Variants in GALNTL6 observed in about 807,000 individuals in gnomAD.
GALNTL6 encodes polypeptide N-acetylgalactosaminyltransferase-like 6.
GALNTL6 carries 46 observed loss-of-function variants against 73.7 expected under a neutral mutation model. The ratio of observed to expected loss-of-function variants is 0.62; its 90% CI spans 0.49 to 0.80. The LOEUF is 0.80. GALNTL6 is among the 30% of genes least tolerant of loss of function. GALNTL6 has a pLI of 0.00. For synonymous variants in GALNTL6, 259 were observed against 263.7 expected (o/e 0.98, Z 0.17); for missense variants, 604 against 755.0 (o/e 0.80, Z 2.34).
chr4:172,784,577 C>T (rs1739550039), intron 5 of GALNTL6, among the ~76,000 whole-genome samples: 1 of 152,174 alleles, frequency 6.6e-6, no homozygotes, highest in South Asian at 2.1e-4. Flanking sequence ...GTTTCCTTGA[C>T]TTTTCCAGCC....
intron 4 of GALNTL6, among the ~76,000 whole-genome samples, chr4:172,340,556 A>G (rs1741524942): frequency 6.6e-6 from 1 of 152,204 alleles, no homozygotes; most frequent in African/African-American, 2.4e-5. Context: ...GGTATCAGAC[A>G]TTGTGATTTT....
At chr4:172,784,658 A>T (rs369129249) in intron 5 of GALNTL6, among the ~76,000 whole-genome samples, 5 of 152,294 alleles carry the variant, frequency 3.3e-5, no homozygotes, top group African/African-American at 1.2e-4. Flanking sequence ...GGGAACTTAT[A>T]ATTAGAAAAA....
chr4:172,131,058 TC>T (rs1474120867), intron 2 of GALNTL6, among the ~76,000 whole-genome samples: 2 of 152,004 alleles, frequency 1.3e-5, no homozygotes, highest in East Asian at 1.9e-4. Context: ...ATTTAGCCAA[TC>T]CTAAAAGTGT....
chr4:172,118,933 C>T (rs1376562111), intron 2 of GALNTL6, among the ~76,000 whole-genome samples: 1 of 151,592 alleles, frequency 6.6e-6, no homozygotes, highest in African/African-American at 2.4e-5. Context: ...ACAGTAATTT[C>T]CTGTATGTGT....
intron 2 of GALNTL6, among the ~76,000 whole-genome samples, chr4:171,951,889 T>A (rs1407987113): frequency 6.6e-6 from 1 of 152,020 alleles, no homozygotes; most frequent in African/African-American, 2.4e-5. Flanking sequence ...TAACCTGAAC[T>A]CTTACAGAAA....
chr4:172,195,632 A>G (rs952093016), intron 2 of GALNTL6, among the ~76,000 whole-genome samples: 12 of 152,302 alleles, frequency 7.9e-5, no homozygotes, highest in African/African-American at 2.9e-4. Flanking sequence ...AGATTAAGAA[A>G]CTCACTGAGA....
At chr4:172,858,531 G>GA (rs1298703905) in intron 7 of GALNTL6, among the ~76,000 whole-genome samples, 2 of 152,104 alleles carry the variant, frequency 1.3e-5, no homozygotes, top group Admixed American at 1.3e-4. Context: ...AAAATCCAAA[G>GA]AAAAACTTTG....
At chr4:172,119,812 G>A (rs894592150) in intron 2 of GALNTL6, among the ~76,000 whole-genome samples, 1 of 152,138 alleles carries the variant, frequency 6.6e-6, no homozygotes, top group African/African-American at 2.4e-5. Flanking sequence ...AAACTTCAAT[G>A]TGCATAAAAA....
At chr4:172,902,126 C>G (rs547043199) in intron 8 of GALNTL6, among the ~76,000 whole-genome samples, 89 of 152,224 alleles carry the variant, frequency 5.8e-4, no homozygotes, top group Admixed American at 1.9e-3. Context: ...CACAGAGGAG[C>G]CTGAGACAGA....
intron 2 of GALNTL6, among the ~76,000 whole-genome samples, chr4:172,225,472 A>C (rs943850043): frequency 2.0e-5 from 3 of 151,038 alleles, no homozygotes; most frequent in Non-Finnish European, 4.4e-5. Context: ...TACGGATTAG[A>C]GGTTCCCAAC....
intron 8 of GALNTL6, among the ~76,000 whole-genome samples, chr4:172,923,395 A>C (rs1747890750): frequency 6.6e-6 from 1 of 152,128 alleles, no homozygotes; most frequent in African/African-American, 2.4e-5. Context: ...ACCCACCCCC[A>C]TGATTCAGTT....
At chr4:172,435,867 T>G (rs1246308126) in intron 5 of GALNTL6, among the ~76,000 whole-genome samples, 1 of 152,162 alleles carries the variant, frequency 6.6e-6, no homozygotes, top group Non-Finnish European at 1.5e-5. Context: ...ACTGGGGTAT[T>G]ATCTGTAAAA....
intron 7 of GALNTL6, among the ~76,000 whole-genome samples, chr4:172,819,566 T>C (rs1289086212): frequency 6.6e-6 from 1 of 152,224 alleles, no homozygotes; most frequent in African/African-American, 2.4e-5. Flanking sequence ...TGACTCATCA[T>C]TCCATGTTAG....
chr4:172,682,846 AG>A (rs1183760578), intron 5 of GALNTL6, among the ~76,000 whole-genome samples: 5 of 152,032 alleles, frequency 3.3e-5, no homozygotes, highest in Non-Finnish European at 7.4e-5. Context: ...CCATGAGCTA[AG>A]GGGAAAAAAA....
At chr4:172,841,701 C>T (rs1472562840) in intron 7 of GALNTL6, among the ~76,000 whole-genome samples, 1 of 152,120 alleles carries the variant, frequency 6.6e-6, no homozygotes, top group Non-Finnish European at 1.5e-5. Flanking sequence ...TGAAAATCCA[C>T]TCACTATCGC....
At chr4:172,911,094 A>T (rs554790198) in intron 8 of GALNTL6, among the ~76,000 whole-genome samples, 1 of 152,256 alleles carries the variant, frequency 6.6e-6, no homozygotes, top group African/African-American at 2.4e-5. Context: ...ATTCATAAGC[A>T]TTTTCACTTT....
chr4:172,218,909 GTAA>G (rs1268581566), intron 2 of GALNTL6, among the ~76,000 whole-genome samples: 1 of 151,684 alleles, frequency 6.6e-6, no homozygotes, highest in African/African-American at 2.4e-5. Flanking sequence ...AGTTTGTTAA[GTAA>G]TAATAAATAA....
At chr4:172,314,031 T>C (rs1034374835) in intron 4 of GALNTL6, among the ~76,000 whole-genome samples, 1 of 152,232 alleles carries the variant, frequency 6.6e-6, no homozygotes, top group Admixed American at 6.5e-5. Context: ...AGTACTATGC[T>C]TTTGACTTCA....
At chr4:172,271,868 G>T (rs145480097) in intron 3 of GALNTL6, among the ~76,000 whole-genome samples, 3 of 151,734 alleles carry the variant, frequency 2.0e-5, no homozygotes, top group African/African-American at 7.3e-5. Context: ...TTTATGATCC[G>T]TTTCATAATT....
Sources: allele counts gnomAD v4.1 joint callset (sites outside exome capture counted in the v4.1 genomes callset), GRCh38; gene constraint gnomAD v4.1.1; transcripts MANE v1.5; gene names NCBI Gene and HGNC (gene_info 2026-07-23, HGNC 2026-07-21).